Variants in TNR observed in about 807,000 individuals in gnomAD.
TNR encodes tenascin-R.
In TNR, 45 loss-of-function variants were observed where a neutral mutation model predicts 150.4. That is an observed-to-expected ratio of 0.30 (90% CI 0.24 to 0.38). TNR has a LOEUF of 0.38. TNR is among the 10% of genes least tolerant of loss of function. The pLI, the probability that TNR is intolerant of heterozygous loss-of-function variation, is 1.00. For synonymous variants in TNR, 687 were observed against 678.4 expected, an observed-to-expected ratio of 1.01 and a Z score of -0.20; for missense variants, 1,544 against 1,759.1, an observed-to-expected ratio of 0.88 and a Z score of 2.19.
At chr1:175,643,024 A>T (rs1157500437) in intron 1 of TNR, among the ~76,000 whole-genome samples, 1 of 152,224 alleles carries the variant, frequency 6.6e-6, no homozygotes, top group East Asian at 1.9e-4. Flanking sequence ...GGGGCAAGTG[A>T]TAGTTTTGAG....
intron 20 of TNR, among the ~76,000 whole-genome samples, chr1:175,332,904 A>C: frequency 6.6e-6 from 1 of 152,262 alleles, no homozygotes. Context: ...TATATAAGGC[A>C]CTAAATAACC....
chr1:175,516,534 T>C (rs191839696), intron 2 of TNR, among the ~76,000 whole-genome samples: 1 of 152,322 alleles, frequency 6.6e-6, no homozygotes, highest in Admixed American at 6.5e-5. Flanking sequence ...TATCGCTCCC[T>C]GACACAGCCT....
At chr1:175,490,728 A>G (rs758847640) in intron 2 of TNR, among the ~76,000 whole-genome samples, 2 of 152,202 alleles carry the variant, frequency 1.3e-5, no homozygotes, top group Non-Finnish European at 1.5e-5. Context: ...ATCAGATGCT[A>G]GCAAGATTGT....
intron 2 of TNR, among the ~76,000 whole-genome samples, chr1:175,499,209 A>C (rs1447583252): frequency 6.6e-6 from 1 of 152,256 alleles, no homozygotes; most frequent in Non-Finnish European, 1.5e-5. Flanking sequence ...GCTTCAGAGT[A>C]GAAACTGAAC....
intron 1 of TNR, among the ~76,000 whole-genome samples, chr1:175,716,705 A>C (rs1386542208): frequency 6.6e-6 from 1 of 152,250 alleles, no homozygotes; most frequent in Non-Finnish European, 1.5e-5. Context: ...ACCAATGATT[A>C]GGATGAATTA....
intron 1 of TNR, chr1:175,538,837 C>A (rs1242382703): frequency 6.6e-6 from 1 of 152,214 alleles, no homozygotes; most frequent in African/African-American, 2.4e-5. Context: ...GCTAATGTCC[C>A]AGATGTTGGG....
At chr1:175,628,779 G>A (rs1044573858) in intron 1 of TNR, among the ~76,000 whole-genome samples, 2 of 152,160 alleles carry the variant, frequency 1.3e-5, no homozygotes, top group Admixed American at 6.5e-5. Context: ...CCTGGAGGGA[G>A]ATGGAAAGAG....
At chr1:175,697,738 C>T (rs1477462292) in intron 1 of TNR, among the ~76,000 whole-genome samples, 1 of 152,250 alleles carries the variant, frequency 6.6e-6, no homozygotes, top group African/African-American at 2.4e-5. Flanking sequence ...CACAGGGGGA[C>T]TTGGCCCTGC....
At chr1:175,386,661 G>A (rs932158694) in intron 7 of TNR, among the ~76,000 whole-genome samples, 14 of 152,018 alleles carry the variant, frequency 9.2e-5, no homozygotes, top group Non-Finnish European at 1.9e-4. Context: ...TCTGGCGTGT[G>A]TCTGCCACTC....
intron 1 of TNR, among the ~76,000 whole-genome samples, chr1:175,673,204 TC>T (rs1186030994): frequency 1.3e-5 from 2 of 152,142 alleles, no homozygotes; most frequent in Non-Finnish European, 2.9e-5. Flanking sequence ...GACGTTTCTT[TC>T]CTGTCCTTCT....
chr1:175,438,584 A>T (rs1490717480), intron 2 of TNR, among the ~76,000 whole-genome samples: 1 of 152,180 alleles, frequency 6.6e-6, no homozygotes, highest in African/African-American at 2.4e-5. Context: ...AGAGGAAGTC[A>T]AATTGTCCCA....
At chr1:175,394,587 C>T (rs575927333) in intron 5 of TNR, among the ~76,000 whole-genome samples, 1 of 152,306 alleles carries the variant, frequency 6.6e-6, no homozygotes, top group Non-Finnish European at 1.5e-5. Context: ...GTGTGCTTGT[C>T]CTAATGGAGT....
intron 1 of TNR, among the ~76,000 whole-genome samples, chr1:175,653,840 TG>T (rs1403488431): frequency 1.3e-5 from 2 of 152,210 alleles, no homozygotes; most frequent in South Asian, 2.1e-4. Context: ...AACTTGAATG[TG>T]GGTTTTGTTA....
chr1:175,541,297 T>C (rs1359226819), intron 1 of TNR, among the ~76,000 whole-genome samples: 1 of 152,186 alleles, frequency 6.6e-6, no homozygotes. Flanking sequence ...TCAATAAGTA[T>C]TAAACTAAAG....
chr1:175,530,661 T>C (rs747631673), intron 1 of TNR, among the ~76,000 whole-genome samples: 1 of 152,260 alleles, frequency 6.6e-6, no homozygotes, highest in Non-Finnish European at 1.5e-5. Flanking sequence ...AATTTGTTTA[T>C]GCATACATAC....
At chr1:175,709,308 TACACAC>T (rs371591261) in intron 1 of TNR, among the ~76,000 whole-genome samples, 134 of 127,788 alleles carry the variant, frequency 1.0e-3, no homozygotes, top group Non-Finnish European at 1.5e-3. Context: ...CACACACACA[TACACAC>T]ACACACACAC....
chr1:175,486,887 T>G (rs1376416170), intron 2 of TNR, among the ~76,000 whole-genome samples: 1 of 152,226 alleles, frequency 6.6e-6, no homozygotes, highest in Non-Finnish European at 1.5e-5. Context: ...ATGATGAACT[T>G]TTTTCATATG....
At chr1:175,383,457 A>G (rs1237226270) in intron 8 of TNR, among the ~76,000 whole-genome samples, 4 of 152,206 alleles carry the variant, frequency 2.6e-5, no homozygotes, top group Admixed American at 2.6e-4. Flanking sequence ...CCTGAGGGCA[A>G]CTGAAACCAG....
chr1:175,722,438 A>G (rs767737307), intron 1 of TNR, among the ~76,000 whole-genome samples: 3 of 151,850 alleles, frequency 2.0e-5, no homozygotes, highest in Non-Finnish European at 4.4e-5. Context: ...TTCCCACCCT[A>G]TTCTTCTACC....
Sources: gnomAD v4.1 joint callset for allele counts (sites outside exome capture counted in the v4.1 genomes callset) on GRCh38, gnomAD v4.1.1 for gene constraint, MANE v1.5 for transcripts, NCBI Gene and HGNC (gene_info 2026-07-23, HGNC 2026-07-21) for gene names.